Variants in SBF2 observed in about 807,000 individuals in gnomAD.
The protein encoded by SBF2 is myotubularin-related protein 13.
SBF2 carries 112 observed loss-of-function variants against 225.2 expected under a neutral mutation model. That is an observed-to-expected ratio of 0.50 (90% CI 0.43 to 0.58). The LOEUF is 0.58. Ranked by LOEUF, SBF2 falls within the 20% of genes least tolerant of loss-of-function variation. The pLI, the probability that SBF2 is intolerant of heterozygous loss-of-function variation, is 0.00. For missense variants in SBF2, 1,996 were observed against 2,206.2 expected (o/e 0.90, Z 1.91); for synonymous variants, 763 against 773.3 (o/e 0.99, Z 0.22).
At chr11:10,148,242 T>C (rs1383989291) in intron 2 of SBF2, among the ~76,000 whole-genome samples, 6 of 152,132 alleles carry the variant, frequency 3.9e-5, no homozygotes, top group Non-Finnish European at 8.8e-5. Context: ...AGAGAGAGAA[T>C]ACTTGGTACA....
chr11:10,194,119 A>C, intron 1 of SBF2, 132 bp from the exon 2 acceptor site: 2 of 741,180 alleles, frequency 2.7e-6, no homozygotes, highest in Non-Finnish European at 4.7e-6. Context: ...TTCAAGTTTT[A>C]AAAAACATGT....
At chr11:10,176,655 T>C (rs1956477249) in intron 2 of SBF2, among the ~76,000 whole-genome samples, 1 of 152,098 alleles carries the variant, frequency 6.6e-6, no homozygotes, top group Non-Finnish European at 1.5e-5. Context: ...AAGTTGAATC[T>C]CTGAATAGAC....
intron 2 of SBF2, among the ~76,000 whole-genome samples, chr11:10,050,133 A>G (rs1386457615): frequency 1.3e-5 from 2 of 152,224 alleles, no homozygotes; most frequent in Non-Finnish European, 2.9e-5. Context: ...AAATGGTACT[A>G]AAAAACATAC....
intron 13 of SBF2, among the ~76,000 whole-genome samples, chr11:9,987,198 G>A (rs954849369): frequency 2.6e-5 from 4 of 152,120 alleles, no homozygotes; most frequent in Non-Finnish European, 5.9e-5. Flanking sequence ...AATAGATGCA[G>A]ACAAAGCACT....
At chr11:9,880,593 G>A (rs916040626) in intron 17 of SBF2, among the ~76,000 whole-genome samples, 2 of 152,166 alleles carry the variant, frequency 1.3e-5, no homozygotes, top group African/African-American at 4.8e-5. Context: ...CTACTAAGTG[G>A]CCTCTGTTGC....
Position 10,289,557 on chromosome 11 carries a change from G to T in SBF2, c.55+4458C>A, listed in dbSNP as rs531908871. ...CACCCAGCTTGTGGCCCTGCCTAGG[G>T]GGGTGCCTCCAGGAGCAGACTGTGG... On this transcript the variant is annotated intron_variant, in intron 1 of 39. Coordinates refer to ENST00000256190, the MANE Select transcript of SBF2 (RefSeq NM_030962.4). Among the ~76,000 whole-genome samples, 27 of 152,196 alleles carry T rather than the reference G, an allele frequency of 1.8e-4. 1 individual carries two copies. The Middle Eastern group carries it at 0.01, about 58-fold the overall frequency.
At chr11:9,854,074 C>G (rs1016232769) in intron 19 of SBF2, among the ~76,000 whole-genome samples, 1 of 152,182 alleles carries the variant, frequency 6.6e-6, no homozygotes, top group Non-Finnish European at 1.5e-5. Flanking sequence ...CTAAAGCAAC[C>G]TGTCCTCCCA....
intron 2 of SBF2, among the ~76,000 whole-genome samples, chr11:10,044,848 G>C (rs745817184): frequency 6.6e-6 from 1 of 152,190 alleles, no homozygotes; most frequent in Non-Finnish European, 1.5e-5. Flanking sequence ...TCTTGTGATC[G>C]TGGCTGATGC....
At chr11:9,821,339 G>C (rs757095731) in intron 28 of SBF2, among the ~76,000 whole-genome samples, 3 of 152,138 alleles carry the variant, frequency 2.0e-5, no homozygotes, top group Non-Finnish European at 4.4e-5. Context: ...AGAGTGAAAA[G>C]GGGGTATTAA....
intron 16 of SBF2, among the ~76,000 whole-genome samples, chr11:9,930,595 T>A (rs1864418115): frequency 1.3e-5 from 2 of 152,234 alleles, no homozygotes; most frequent in Admixed American, 1.3e-4. Flanking sequence ...AAGGTGTCTA[T>A]ACATGTTAAA....
intron 1 of SBF2, among the ~76,000 whole-genome samples, chr11:10,284,993 G>C (rs529928624): frequency 6.6e-6 from 1 of 151,714 alleles, no homozygotes; most frequent in South Asian, 2.1e-4. Flanking sequence ...TAATTGAAAA[G>C]ACACTTTAGG....
intron 16 of SBF2, chr11:9,929,275 CA>C (rs370197885): frequency 1.4e-3 from 224 of 165,396 alleles, no homozygotes; most frequent in East Asian, 6.1e-3. Flanking sequence ...AAACAAAAAA[CA>C]AAAAAAAAAA....
intron 1 of SBF2, among the ~76,000 whole-genome samples, chr11:10,277,783 C>T (rs1963080330): frequency 6.6e-6 from 1 of 152,118 alleles, no homozygotes; most frequent in Non-Finnish European, 1.5e-5. Context: ...ATGCTACCAC[C>T]AATCAAGGAG....
chr11:9,795,269 GGGCTAAGA>G (rs1853051675), intron 33 of SBF2, among the ~76,000 whole-genome samples: 1 of 152,164 alleles, frequency 6.6e-6, no homozygotes, highest in African/African-American at 2.4e-5. Context: ...GCTAGTGATT[GGGCTAAGA>G]GGCTAAGTGA....
At chr11:9,839,406 A>G (rs1433605943) in intron 26 of SBF2, 92 bp downstream of exon 26, 15 of 1,255,182 alleles carry the variant, frequency 1.2e-5, no homozygotes, top group African/African-American at 2.9e-5. Flanking sequence ...ATTTTTATCT[A>G]TCTCAGGGCT....
At chr11:10,267,614 G>A (rs1436954584) in intron 1 of SBF2, among the ~76,000 whole-genome samples, 1 of 151,074 alleles carries the variant, frequency 6.6e-6, no homozygotes, top group Non-Finnish European at 1.5e-5. Flanking sequence ...TTTTGAGACA[G>A]GGTCTTACTC....
chr11:10,130,683 G>C (rs1953999953), intron 2 of SBF2, among the ~76,000 whole-genome samples: 1 of 152,030 alleles, frequency 6.6e-6, no homozygotes, highest in South Asian at 2.1e-4. Context: ...CACTTTTATA[G>C]TTTCACCCAA....
rs538161762 is a variant in SBF2, at chr11:9,995,709, G to A, written c.976-1711C>T. ...GTTGTTGTCCAGGCTGGAGTGCAAC[G>A]GCGTGATCTCGGCTCACTGCGACCT... On this transcript the variant is annotated intron_variant, in intron 9 of 39. Coordinates refer to ENST00000256190, the MANE Select transcript of SBF2 (RefSeq NM_030962.4). 2.9e-4 allele frequency among the ~76,000 whole-genome samples: 43 copies of A among 150,524 alleles called. 1 individual carries two copies. In the East Asian group the frequency reaches 4.3e-3, roughly 15 times the overall value.
chr11:10,221,546 G>A (rs1219168080), intron 1 of SBF2, among the ~76,000 whole-genome samples: 1 of 151,972 alleles, frequency 6.6e-6, no homozygotes, highest in Non-Finnish European at 1.5e-5. Flanking sequence ...TCTACATTAG[G>A]GGGCACAATC....
Sources: allele counts gnomAD v4.1 joint callset (sites outside exome capture counted in the v4.1 genomes callset), GRCh38; gene constraint gnomAD v4.1.1; transcripts MANE v1.5; gene names NCBI Gene and HGNC (gene_info 2026-07-23, HGNC 2026-07-21).